Variants in SMYD3 observed in about 807,000 individuals in gnomAD.
The protein encoded by SMYD3 is SET and MYND domain containing 3.
Under a neutral mutation model 57.7 loss-of-function variants are expected in SMYD3, and 36 were observed. That is an observed-to-expected ratio of 0.62 (90% CI 0.48 to 0.82). The LOEUF (loss-of-function observed/expected upper bound fraction) is 0.82. Ranked by LOEUF, SMYD3 falls within the 40% of genes least tolerant of loss-of-function variation. SMYD3 has a pLI of 0.00. For missense variants in SMYD3, 515 were observed against 538.8 expected, an observed-to-expected ratio of 0.96 and a Z score of 0.44; for synonymous variants, 211 against 195.0, an observed-to-expected ratio of 1.08 and a Z score of -0.68.
rs531091428 is a variant in SMYD3 at position 246,411,230 on chromosome 1, A to C, written c.165-56136T>G. On this transcript the variant is annotated intron_variant, in intron 1 of 11. Coordinates refer to ENST00000490107, the MANE Select transcript of SMYD3 (RefSeq NM_001167740.2). ...CCAAAAAACACATGAAAAAATGCTC[A>C]TCATCACTGGCCATCAGAGAAATGC... 1.4e-3 allele frequency among the ~76,000 whole-genome samples: 212 copies of C among 152,340 alleles called. 1 individual carries two copies. The highest frequency in any genetic ancestry group is 6.8e-3 in the Middle Eastern group (2 of 294).
chr1:245,779,007 A>C (rs1047281566), intron 10 of SMYD3, among the ~76,000 whole-genome samples: 3 of 151,968 alleles, frequency 2.0e-5, no homozygotes, highest in Non-Finnish European at 4.4e-5. Flanking sequence ...TAAAAATACA[A>C]ATATTAGCTG....
intron 8 of SMYD3, among the ~76,000 whole-genome samples, chr1:245,898,495 T>A (rs1361400900): frequency 6.6e-6 from 1 of 152,178 alleles, no homozygotes; most frequent in Non-Finnish European, 1.5e-5. Context: ...ATGAAGTTGA[T>A]CCTGAGTGCT....
At chr1:246,081,165 G>T (rs767130371) in intron 5 of SMYD3, among the ~76,000 whole-genome samples, 1 of 152,160 alleles carries the variant, frequency 6.6e-6, no homozygotes, top group African/African-American at 2.4e-5. Flanking sequence ...TTCGCTCTGG[G>T]AAGAGTGTGG....
At chr1:246,100,270 C>A (rs1439789218) in intron 5 of SMYD3, among the ~76,000 whole-genome samples, 1 of 152,180 alleles carries the variant, frequency 6.6e-6, no homozygotes, top group Non-Finnish European at 1.5e-5. Flanking sequence ...TCTAAATAGA[C>A]TGCAGAAATG....
intron 10 of SMYD3, among the ~76,000 whole-genome samples, chr1:245,840,468 A>G (rs2050343560): frequency 6.6e-6 from 1 of 152,280 alleles, no homozygotes; most frequent in South Asian, 2.1e-4. Context: ...ATCTCAATCT[A>G]ATAGTGGGAA....
intron 5 of SMYD3, among the ~76,000 whole-genome samples, chr1:246,206,008 C>T (rs932864456): frequency 1.3e-5 from 2 of 152,134 alleles, no homozygotes; most frequent in Non-Finnish European, 2.9e-5. Flanking sequence ...ATGCTGTCTT[C>T]AATTTCCACG....
intron 2 of SMYD3, among the ~76,000 whole-genome samples, chr1:246,349,684 A>G (rs1002448577): frequency 6.6e-6 from 1 of 152,204 alleles, no homozygotes; most frequent in Non-Finnish European, 1.5e-5. Flanking sequence ...TCTACCTGTA[A>G]AGTGGTAAAG....
At chr1:246,196,873 T>C (rs2062835973) in intron 5 of SMYD3, among the ~76,000 whole-genome samples, 1 of 152,070 alleles carries the variant, frequency 6.6e-6, no homozygotes, top group Non-Finnish European at 1.5e-5. Context: ...TTTCTAAAAC[T>C]ATTCTCCAAT....
intron 5 of SMYD3, among the ~76,000 whole-genome samples, chr1:245,983,134 A>G (rs998617344): frequency 1.3e-5 from 2 of 152,186 alleles, no homozygotes; most frequent in Non-Finnish European, 2.9e-5. Context: ...AGGTCTTCAC[A>G]GAGACAAGAT....
At chr1:245,811,857 C>G (rs1366002119) in intron 10 of SMYD3, among the ~76,000 whole-genome samples, 1 of 152,126 alleles carries the variant, frequency 6.6e-6, no homozygotes, top group Non-Finnish European at 1.5e-5. Flanking sequence ...TAAACTGAGG[C>G]TCTGAAAGGT....
intron 5 of SMYD3, among the ~76,000 whole-genome samples, chr1:246,076,242 C>T (rs1220360243): frequency 6.6e-6 from 1 of 152,154 alleles, no homozygotes; most frequent in Middle Eastern, 3.2e-3. Context: ...CCCGTCTCTA[C>T]TTCAGTTCTC....
intron 8 of SMYD3, among the ~76,000 whole-genome samples, chr1:245,911,995 A>G (rs1572665025): frequency 6.6e-6 from 1 of 152,248 alleles, no homozygotes; most frequent in East Asian, 1.9e-4. Flanking sequence ...CCACACAAAT[A>G]TGTACAACTA....
At chr1:246,399,620 C>G (rs1354761588) in intron 1 of SMYD3, among the ~76,000 whole-genome samples, 2 of 152,184 alleles carry the variant, frequency 1.3e-5, no homozygotes, top group African/African-American at 4.8e-5. Flanking sequence ...GCTGGGACTA[C>G]AGGCGTGAGC....
At chr1:246,057,324 A>G (rs2148343358) in intron 5 of SMYD3, among the ~76,000 whole-genome samples, 1 of 152,256 alleles carries the variant, frequency 6.6e-6, no homozygotes, top group East Asian at 1.9e-4. Context: ...TACATGCAGA[A>G]CTGAAAAAGA....
intron 1 of SMYD3, among the ~76,000 whole-genome samples, chr1:246,452,333 T>C (rs780067030): frequency 6.6e-6 from 1 of 152,024 alleles, no homozygotes; most frequent in Non-Finnish European, 1.5e-5. Context: ...TGGCAGAACC[T>C]TGTCTCTCCT....
chr1:246,023,807 C>CTGTGTGTGTGTGTGTGTGTG (rs201726897), intron 5 of SMYD3, among the ~76,000 whole-genome samples: 2,037 of 139,540 alleles, frequency 0.015, 28 homozygotes, highest in African/African-American at 0.017. Context: ...TATTACAAAA[C>CTGTGTGTGTGTGTGTGTGTG]TGTGTGTGTG....
At chr1:245,939,940 C>A (rs2057156392) in intron 5 of SMYD3, among the ~76,000 whole-genome samples, 5 of 152,204 alleles carry the variant, frequency 3.3e-5, no homozygotes, top group Admixed American at 2.6e-4. Context: ...CAGCTGCAAT[C>A]ACTGTGGCTC....
intron 5 of SMYD3, among the ~76,000 whole-genome samples, chr1:245,985,332 T>C (rs979752502): frequency 2.0e-5 from 3 of 152,188 alleles, no homozygotes; most frequent in African/African-American, 7.2e-5. Flanking sequence ...TTCAACTACA[T>C]AGAATGATCA....
chr1:246,201,042 C>A (rs912923878), intron 5 of SMYD3, among the ~76,000 whole-genome samples: 1 of 152,190 alleles, frequency 6.6e-6, no homozygotes. Flanking sequence ...ACATATTCAG[C>A]AAATCTTTTT....
Sources: allele counts gnomAD v4.1 joint callset (sites outside exome capture counted in the v4.1 genomes callset), GRCh38; gene constraint gnomAD v4.1.1; transcripts MANE v1.5; gene names NCBI Gene and HGNC (gene_info 2026-07-23, HGNC 2026-07-21).